The following LTBP1 variants were observed in gnomAD, a reference collection of about 807,000 sequenced individuals.
The protein encoded by LTBP1 is latent-transforming growth factor beta-binding protein 1.
Under a neutral mutation model 207.6 loss-of-function variants are expected in LTBP1, and 129 were observed. That is an observed-to-expected ratio of 0.62 (90% CI 0.54 to 0.72). The LOEUF (loss-of-function observed/expected upper bound fraction) is 0.72. Ranked by LOEUF, LTBP1 falls within the 30% of genes least tolerant of loss-of-function variation. LTBP1 has a pLI of 0.00. For synonymous variants in LTBP1, 963 were observed against 833.7 expected, an observed-to-expected ratio of 1.16 and a Z score of -2.67; for missense variants, 2,281 against 2,217.2, an observed-to-expected ratio of 1.03 and a Z score of -0.58.
Position 33,254,282 on chromosome 2 carries a change from G to A in LTBP1, c.2167+1438G>A, listed in dbSNP as rs1432831565. Among the ~76,000 whole-genome samples, 6 of 152,050 alleles carry A rather than the reference G, an allele frequency of 3.9e-5. No individual in the cohort carries two copies. In the East Asian group the frequency reaches 9.7e-4, roughly 24 times the overall value. ...GTGAATTTATTATGCGTATTATTTT[G>A]TGTCTGTATAATGTGTTTTTAATTT... On this transcript the variant is annotated intron_variant, in intron 11 of 33. Coordinates refer to ENST00000404816, the MANE Select transcript of LTBP1 (RefSeq NM_206943.4).
intron 23 of LTBP1, among the ~76,000 whole-genome samples, chr2:33,312,941 C>T (rs1453843): frequency 3.3e-4 from 50 of 151,830 alleles, no homozygotes; most frequent in Admixed American, 2.9e-3. Context: ...GAACTTCATG[C>T]CACCTTCTTC....
intron 5 of LTBP1, among the ~76,000 whole-genome samples, chr2:33,182,429 G>A (rs908591190): frequency 5.9e-5 from 9 of 151,832 alleles, no homozygotes; most frequent in African/African-American, 1.7e-4. Flanking sequence ...TTGGGAGGCC[G>A]AGGTGGGCGG....
chr2:33,157,787 C>G (rs1183315553), intron 5 of LTBP1, among the ~76,000 whole-genome samples: 2 of 152,044 alleles, frequency 1.3e-5, no homozygotes, highest in Non-Finnish European at 2.9e-5. Flanking sequence ...CTGTGCCCAC[C>G]CAAATAAGGT....
intron 20 of LTBP1, among the ~76,000 whole-genome samples, chr2:33,298,593 G>A (rs186468453): frequency 1.4e-4 from 21 of 152,300 alleles, no homozygotes; most frequent in East Asian, 1.9e-4. Context: ...AAATAGTGAC[G>A]TAGGCTGATC....
chr2:33,188,458 T>C (rs114453122), intron 6 of LTBP1, 119 bp from the exon 7 acceptor site: 18,109 of 688,364 alleles, frequency 0.026, 428 homozygotes, highest in Middle Eastern at 0.11. Context: ...TTTTGATGGC[T>C]ATGCAGCAAA....
At chr2:33,051,891 A>G (rs1213806029) in intron 3 of LTBP1, among the ~76,000 whole-genome samples, 1 of 152,318 alleles carries the variant, frequency 6.6e-6, no homozygotes, top group South Asian at 2.1e-4. Context: ...ATAGGCACAT[A>G]CTTTCATTTC....
At position 33,273,773 on chromosome 2, in the gene LTBP1, A is replaced by G; in HGVS notation, c.2735A>G (p.Lys912Arg). The G allele has an allele frequency of 6.2e-7, 1 of 1,603,090 alleles. No individual in the cohort carries two copies. The highest frequency in any genetic ancestry group is 8.5e-7 in the Non-Finnish European group (1 of 1,176,366). ...TACAGGTTCAGTGAACAACAGAGGAAATGTGTGGGTAAGAGACAATTTGAT... is the reference window on the plus strand; with the variant it reads ...TACAGGTTCAGTGAACAACAGAGGAGATGTGTGGGTAAGAGACAATTTGAT... ...EGYRFSEQQRKCVDIDECTQV... is the reference protein window; with the variant it reads ...EGYRFSEQQRRCVDIDECTQV... The change falls in exon 16 of 34, where the codon AAA (lysine) becomes AGA (arginine). Residue 912 changes from lysine to arginine, a missense_variant. Physicochemically the swap from Lys to Arg is conservative, Grantham distance 26. This residue lies in a region of LTBP1 where 1,671 missense variants were observed against 1,634.8 expected (regional missense o/e 1.02). Transcript: ENST00000404816.
chr2:33,015,214 T>C (rs1411643287), intron 2 of LTBP1, among the ~76,000 whole-genome samples: 1 of 152,212 alleles, frequency 6.6e-6, no homozygotes, highest in Non-Finnish European at 1.5e-5. Flanking sequence ...TAACATAAGG[T>C]TAAATGTCAC....
Position 33,110,639 on chromosome 2 carries a change from C to G in LTBP1, c.921C>G (p.Tyr307Ter). ...VVIHHGQTQE[Y>*]VLKPKYFPAQ... ...TTCACCATGGCCAGACCCAGGAATA[C>G]GTGCTCAAGCCCAAGTACTTTCCAG... The change falls in exon 4 of 34, where the codon TAC becomes TAG. Residue 307 changes from tyrosine (Y) to a stop codon, truncating the protein, a stop_gained. Coordinates refer to ENST00000404816, the MANE Select transcript of LTBP1 (RefSeq NM_206943.4). LOFTEE classifies it high-confidence loss of function. 1 of 1,614,150 alleles carries G rather than the reference C, an allele frequency of 6.2e-7. No homozygotes were observed. The highest frequency in any genetic ancestry group is 8.5e-7 in the Non-Finnish European group (1 of 1,179,996).
intron 9 of LTBP1, among the ~76,000 whole-genome samples, chr2:33,223,335 G>A (rs560067189): frequency 2.6e-5 from 4 of 152,262 alleles, no homozygotes; most frequent in South Asian, 4.1e-4. Context: ...ATTTAGAAAT[G>A]CACATACAGT....
chr2:33,057,569 C>T (rs2077064223), intron 3 of LTBP1, among the ~76,000 whole-genome samples: 1 of 152,230 alleles, frequency 6.6e-6, no homozygotes, highest in African/African-American at 2.4e-5. Flanking sequence ...CCGAGCCCTG[C>T]CCCACAGGGA....
intron 2 of LTBP1, among the ~76,000 whole-genome samples, chr2:32,985,735 A>G (rs1030232598): frequency 2.0e-5 from 3 of 152,210 alleles, no homozygotes; most frequent in African/African-American, 7.2e-5. Context: ...GTCAACATGG[A>G]AGATGTTGAG....
At chr2:33,038,510 G>A (rs1313220065) in intron 3 of LTBP1, among the ~76,000 whole-genome samples, 1 of 152,156 alleles carries the variant, frequency 6.6e-6, no homozygotes, top group Non-Finnish European at 1.5e-5. Context: ...ATGCTCTCTG[G>A]TCGTTCCTGG....
chr2:33,207,590 C>G (rs2089979529), intron 7 of LTBP1, among the ~76,000 whole-genome samples: 1 of 152,170 alleles, frequency 6.6e-6, no homozygotes. Context: ...CTTAGAAAAT[C>G]TGGAAGTATT....
chr2:32,999,008 T>G (rs1366345353), intron 2 of LTBP1, among the ~76,000 whole-genome samples: 1 of 152,228 alleles, frequency 6.6e-6, no homozygotes, highest in African/African-American at 2.4e-5. Context: ...TTGTTAGAAA[T>G]ACACCTTATG....
At chr2:33,175,323 C>T (rs1291032574) in intron 5 of LTBP1, among the ~76,000 whole-genome samples, 1 of 151,788 alleles carries the variant, frequency 6.6e-6, no homozygotes, top group African/African-American at 2.4e-5. Flanking sequence ...AAAAAACAAC[C>T]CCATCAAAAA....
chr2:33,188,640 T>C lies in LTBP1; in HGVS notation c.1490T>C (p.Ile497Thr), dbSNP rs537655642. The change falls in exon 7 of 34, where the codon ATA becomes ACA. Residue 497 changes from isoleucine (I) to threonine (T), a missense_variant. Physicochemically the swap from Ile to Thr is moderately conservative, Grantham distance 89. Transcript: ENST00000404816. ...CATCCTCCTGAAGCTTCCGTCCAGA[T>C]ACATCAGGTTTCAAGAATTGATGGC... ...VKHPPEASVQ[I>T]HQVSRIDGPT... The C allele has an allele frequency of 7.6e-5, 122 of 1,614,068 alleles. No homozygotes were observed. Among genetic ancestry groups the C allele is most frequent in the Non-Finnish European group, 5.1e-6 (6 of 1,179,974 alleles).
intron 2 of LTBP1, among the ~76,000 whole-genome samples, chr2:32,967,862 A>G (rs1024505409): frequency 3.3e-5 from 5 of 152,170 alleles, no homozygotes; most frequent in African/African-American, 1.2e-4. Context: ...AATTCCAATT[A>G]TGTCCTTACT....
intron 14 of LTBP1, 34 bp from the exon 15 acceptor site, chr2:33,263,260 T>C (rs776519704): frequency 7.2e-5 from 97 of 1,355,756 alleles, no homozygotes; most frequent in Non-Finnish European, 1.0e-4. Context: ...TAACGGGCTT[T>C]AATTTTCTTT....
Sources: gnomAD v4.1 joint callset for allele counts (sites outside exome capture counted in the v4.1 genomes callset) on GRCh38, gnomAD v4.1.1 for gene constraint, gnomAD v4.1.1 regional missense constraint, MANE v1.5 for transcripts, NCBI Gene and HGNC (gene_info 2026-07-23, HGNC 2026-07-21) for gene names.